Variants in SAMMSON observed in about 807,000 individuals in gnomAD.
SAMMSON encodes the protein survival associated mitochondrial melanoma specific oncogenic non-coding RNA, also known as long intergenic non-protein coding RNA 1212.
At chr3:70,001,123 TAAC>T (rs144914127) in intron 1 of SAMMSON, among the ~76,000 whole-genome samples, 2,746 of 152,134 alleles carry the variant, frequency 0.018, 85 homozygotes, top group African/African-American at 0.061. Flanking sequence ...GGGTCATTGA[TAAC>T]AACAATCCCC....
At chr3:70,425,493 G>C (rs1701356327) in intron 2 of SAMMSON, among the ~76,000 whole-genome samples, 1 of 151,852 alleles carries the variant, frequency 6.6e-6, no homozygotes, top group African/African-American at 2.4e-5. Context: ...CTCACTGCAA[G>C]ATCCGCCTCC....
At chr3:70,329,221 G>A (rs879032509) in intron 7 of SAMMSON, among the ~76,000 whole-genome samples, 7 of 152,124 alleles carry the variant, frequency 4.6e-5, no homozygotes, top group Non-Finnish European at 7.4e-5. Context: ...CTGAATAAAA[G>A]TGAAGGATTA....
intron 4 of SAMMSON, among the ~76,000 whole-genome samples, chr3:70,073,469 A>G (rs1013918281): frequency 2.6e-5 from 4 of 152,030 alleles, no homozygotes; most frequent in Non-Finnish European, 4.4e-5. Context: ...GGAGCTTACA[A>G]TCTATCGCAG....
chr3:70,055,240 A>G (rs2107590313), intron 3 of SAMMSON, among the ~76,000 whole-genome samples: 1 of 152,236 alleles, frequency 6.6e-6, no homozygotes, highest in African/African-American at 2.4e-5. Context: ...AGGAATATAT[A>G]CATATTTAAA....
chr3:70,316,454 A>G (rs1361910300), intron 7 of SAMMSON, among the ~76,000 whole-genome samples: 2 of 152,128 alleles, frequency 1.3e-5, no homozygotes, highest in Admixed American at 6.6e-5. Context: ...TAGATCCTAT[A>G]CAAATGATAT....
chr3:70,182,446 T>TG (rs1701060796), intron 4 of SAMMSON, among the ~76,000 whole-genome samples: 1 of 152,144 alleles, frequency 6.6e-6, no homozygotes, highest in African/African-American at 2.4e-5. Context: ...CTGTGTTTTA[T>TG]GGGGGGAGAG....
chr3:70,269,933 A>G (rs1701957893), intron 6 of SAMMSON, among the ~76,000 whole-genome samples: 1 of 152,180 alleles, frequency 6.6e-6, no homozygotes, highest in African/African-American at 2.4e-5. Flanking sequence ...ATAAATATTC[A>G]TCTCAAGAAA....
At chr3:70,143,451 G>C (rs754964750) in intron 4 of SAMMSON, among the ~76,000 whole-genome samples, 8 of 152,016 alleles carry the variant, frequency 5.3e-5, no homozygotes, top group Non-Finnish European at 1.0e-4. Context: ...TGTTTTTCGT[G>C]TACCCATTCT....
At chr3:70,418,967 T>TTCCTTTCCTTTCCTC in intron 2 of SAMMSON, among the ~76,000 whole-genome samples, 1 of 42,752 alleles carries the variant, frequency 2.3e-5, no homozygotes, top group African/African-American at 5.6e-5. Context: ...TTCCTTTCCT[T>TTCCTTTCCTTTCCTC]TCCTTCCTTC....
intron 1 of SAMMSON, among the ~76,000 whole-genome samples, chr3:70,007,408 G>T (rs551021216): frequency 6.9e-4 from 105 of 152,258 alleles, no homozygotes; most frequent in African/African-American, 2.0e-3. Context: ...GTGATGATGA[G>T]CATTTTTTCA....
intron 4 of SAMMSON, chr3:70,126,459 C>A: frequency 1.5e-6 from 1 of 667,728 alleles, no homozygotes; most frequent in Non-Finnish European, 2.8e-6. Context: ...ACCAACCGTG[C>A]CTTGAAGTAC....
At chr3:70,274,649 G>T (rs1268544190) in intron 6 of SAMMSON, among the ~76,000 whole-genome samples, 1 of 152,080 alleles carries the variant, frequency 6.6e-6, no homozygotes, top group Non-Finnish European at 1.5e-5. Context: ...GGTGGGGAGG[G>T]AGAGCTTAAT....
chr3:70,070,021 A>G (rs934313488), intron 3 of SAMMSON: 2 of 152,228 alleles, frequency 1.3e-5, no homozygotes, highest in East Asian at 1.9e-4. Context: ...AAATCTCTCT[A>G]TAAGTTATAG....
intron 4 of SAMMSON, among the ~76,000 whole-genome samples, chr3:70,143,348 G>C (rs955910298): frequency 6.6e-6 from 1 of 150,858 alleles, no homozygotes; most frequent in Non-Finnish European, 1.5e-5. Flanking sequence ...TCCATAAGAA[G>C]AATCAGGGTA....
intron 4 of SAMMSON, among the ~76,000 whole-genome samples, chr3:70,182,289 C>T (rs1701059822): frequency 6.6e-6 from 1 of 152,154 alleles, no homozygotes; most frequent in African/African-American, 2.4e-5. Context: ...CTGAAAACGT[C>T]TGGCAGAGCT....
At chr3:70,180,254 G>T (rs1445863481) in intron 4 of SAMMSON, among the ~76,000 whole-genome samples, 1 of 151,958 alleles carries the variant, frequency 6.6e-6, no homozygotes, top group East Asian at 1.9e-4. Context: ...TTTTTATGGG[G>T]TTTTGTGAAG....
intron 6 of SAMMSON, among the ~76,000 whole-genome samples, chr3:70,263,847 G>C (rs556898260): frequency 1.4e-4 from 21 of 152,156 alleles, no homozygotes; most frequent in African/African-American, 3.4e-4. Flanking sequence ...GAAGGTCTGG[G>C]CGATGGTGGA....
At chr3:70,068,994 G>T (rs1347911921) in intron 3 of SAMMSON, 1 of 152,052 alleles carries the variant, frequency 6.6e-6, no homozygotes, top group Non-Finnish European at 1.5e-5. Flanking sequence ...AATTAAGACA[G>T]GTGAGGCATC....
chr3:70,125,660 T>A (rs548566931), intron 4 of SAMMSON: 1 of 699,694 alleles, frequency 1.4e-6, no homozygotes, highest in South Asian at 1.5e-5. Context: ...AATTCAATTC[T>A]TTTATTACCT....
Sources: gnomAD v4.1 joint callset for allele counts (sites outside exome capture counted in the v4.1 genomes callset) on GRCh38, gnomAD v4.1.1 for gene constraint, MANE v1.5 for transcripts, NCBI Gene and HGNC (gene_info 2026-07-23, HGNC 2026-07-21) for gene names.